Variants in LRMDA observed in about 807,000 individuals in gnomAD.
The protein encoded by LRMDA is leucine-rich melanocyte differentiation-associated protein.
LRMDA carries 18 observed loss-of-function variants against 29.8 expected under a neutral mutation model. The observed-to-expected ratio is 0.60, with a 90% CI of 0.42 to 0.90. The LOEUF (loss-of-function observed/expected upper bound fraction) is 0.90. Ranked by LOEUF, LRMDA falls within the 40% of genes least tolerant of loss-of-function variation. The probability of loss-of-function intolerance (pLI) is 0.00; values close to 1 mark genes in which losing one functional copy is unlikely to be tolerated. For missense variants in LRMDA, 273 were observed against 273.9 expected (o/e 1.00, Z 0.02); for synonymous variants, 125 against 109.4 (o/e 1.14, Z -0.89).
intron 5 of LRMDA, among the ~76,000 whole-genome samples, chr10:76,090,562 A>G (rs1012331430): frequency 6.6e-6 from 1 of 152,208 alleles, no homozygotes. Flanking sequence ...CAGAGTCTCT[A>G]AGAGATATTT....
intron 5 of LRMDA, among the ~76,000 whole-genome samples, chr10:76,179,952 T>G (rs772435492): frequency 6.6e-6 from 1 of 152,184 alleles, no homozygotes; most frequent in East Asian, 1.9e-4. Flanking sequence ...GCTGAAGGTA[T>G]CAGTTTCTGC....
intron 2 of LRMDA, among the ~76,000 whole-genome samples, chr10:75,997,450 T>C (rs1303867496): frequency 6.6e-6 from 1 of 151,310 alleles, no homozygotes; most frequent in Non-Finnish European, 1.5e-5. Context: ...ATGAAGTATG[T>C]TCCAGGACAT....
At chr10:75,884,939 A>G (rs1259533663) in intron 2 of LRMDA, among the ~76,000 whole-genome samples, 1 of 152,086 alleles carries the variant, frequency 6.6e-6, no homozygotes, top group Non-Finnish European at 1.5e-5. Context: ...AGGCCTGGGG[A>G]GAACTCCAGT....
At chr10:76,113,347 G>C (rs189738216) in intron 5 of LRMDA, among the ~76,000 whole-genome samples, 39 of 152,106 alleles carry the variant, frequency 2.6e-4, no homozygotes, top group Admixed American at 2.1e-3. Context: ...GAGAGACAAG[G>C]CATTTATTAA....
intron 6 of LRMDA, among the ~76,000 whole-genome samples, chr10:76,380,137 T>A (rs892294672): frequency 1.3e-5 from 2 of 152,186 alleles, no homozygotes; most frequent in African/African-American, 4.8e-5. Flanking sequence ...AAAATGTCTA[T>A]TTTGGAGAAT....
At chr10:75,862,713 A>G (rs935761671) in intron 2 of LRMDA, among the ~76,000 whole-genome samples, 1 of 152,208 alleles carries the variant, frequency 6.6e-6, no homozygotes, top group African/African-American at 2.4e-5. Flanking sequence ...TGTTGGCGCT[A>G]ATAAAATGAG....
intron 2 of LRMDA, among the ~76,000 whole-genome samples, chr10:75,990,514 T>C (rs1200516421): frequency 6.6e-6 from 1 of 152,206 alleles, no homozygotes; most frequent in East Asian, 1.9e-4. Flanking sequence ...ATTAATGCAT[T>C]ACTTGGGTGG....
At chr10:76,280,047 G>A (rs1172017633) in intron 5 of LRMDA, among the ~76,000 whole-genome samples, 1 of 152,148 alleles carries the variant, frequency 6.6e-6, no homozygotes, top group African/African-American at 2.4e-5. Context: ...AGATGTTTAG[G>A]CAATGTCTTC....
intron 2 of LRMDA, among the ~76,000 whole-genome samples, chr10:75,789,311 ATAGT>A (rs555723147): frequency 1.6e-3 from 247 of 152,356 alleles, no homozygotes; most frequent in African/African-American, 5.5e-3. Context: ...CCCACAGTAA[ATAGT>A]TAGCAGGGGC....
intron 6 of LRMDA, among the ~76,000 whole-genome samples, chr10:76,468,244 A>G (rs1158677084): frequency 1.3e-5 from 2 of 152,196 alleles, no homozygotes; most frequent in African/African-American, 2.4e-5. Context: ...AATTAATTTC[A>G]TCTCCCTTAA....
chr10:75,662,971 A>G (rs1178803744), intron 2 of LRMDA, among the ~76,000 whole-genome samples: 1 of 152,184 alleles, frequency 6.6e-6, no homozygotes, highest in African/African-American at 2.4e-5. Flanking sequence ...TCTTTATAGA[A>G]GACTCTTCTT....
At chr10:76,161,135 A>C (rs1489190374) in intron 5 of LRMDA, among the ~76,000 whole-genome samples, 2 of 152,170 alleles carry the variant, frequency 1.3e-5, no homozygotes, top group Non-Finnish European at 2.9e-5. Context: ...GGCTTGAGAT[A>C]TTTATTATGC....
At chr10:75,971,195 C>T (rs1589271891) in intron 2 of LRMDA, among the ~76,000 whole-genome samples, 1 of 152,176 alleles carries the variant, frequency 6.6e-6, no homozygotes, top group African/African-American at 2.4e-5. Context: ...CTGTTTTCTC[C>T]TTCCTTTGGA....
At chr10:76,057,870 A>G (rs1184278631) in intron 4 of LRMDA, among the ~76,000 whole-genome samples, 4 of 151,204 alleles carry the variant, frequency 2.6e-5, no homozygotes, top group Middle Eastern at 6.8e-3. Context: ...CCTGTTATAC[A>G]TTTATTTATG....
chr10:76,175,014 A>G (rs1035827222), intron 5 of LRMDA, among the ~76,000 whole-genome samples: 1 of 152,168 alleles, frequency 6.6e-6, no homozygotes, highest in Non-Finnish European at 1.5e-5. Flanking sequence ...CCAGCTACTC[A>G]GGAGGCTAAG....
chr10:75,971,983 A>G (rs573905950), intron 2 of LRMDA, among the ~76,000 whole-genome samples: 51 of 152,316 alleles, frequency 3.3e-4, no homozygotes, highest in African/African-American at 1.2e-3. Flanking sequence ...AGTCTTTCAT[A>G]TTTCAGATGT....
chr10:75,804,695 C>T (rs1843817638), intron 2 of LRMDA, among the ~76,000 whole-genome samples: 1 of 152,226 alleles, frequency 6.6e-6, no homozygotes, highest in Admixed American at 6.5e-5. Context: ...CTGGGAGGGG[C>T]TCATTGTTGC....
intron 2 of LRMDA, among the ~76,000 whole-genome samples, chr10:75,887,593 A>C (rs781702905): frequency 1.3e-4 from 20 of 151,952 alleles, no homozygotes; most frequent in Non-Finnish European, 2.2e-4. Context: ...GCACCCATTT[A>C]TATACTGTCA....
At chr10:75,466,363 T>C (rs749525247) in intron 2 of LRMDA, among the ~76,000 whole-genome samples, 2 of 152,104 alleles carry the variant, frequency 1.3e-5, no homozygotes, top group Non-Finnish European at 2.9e-5. Flanking sequence ...TCTGTAGTGA[T>C]AGAACCATCA....
Sources: gnomAD v4.1 joint callset for allele counts (sites outside exome capture counted in the v4.1 genomes callset) on GRCh38, gnomAD v4.1.1 for gene constraint, MANE v1.5 for transcripts, NCBI Gene and HGNC (gene_info 2026-07-23, HGNC 2026-07-21) for gene names.